The following MECOM variants were observed in gnomAD, a reference collection of about 807,000 sequenced individuals.
MECOM encodes the protein MDS1 and EVI1 complex locus, also known as histone-lysine N-methyltransferase MECOM.
MECOM carries 13 observed loss-of-function variants against 116.3 expected under a neutral mutation model. That is an observed-to-expected ratio of 0.11 (90% CI 0.07 to 0.18). The LOEUF (loss-of-function observed/expected upper bound fraction) is 0.18, where lower values mean the gene tolerates loss of function less well. Ranked by LOEUF, MECOM falls within the 10% of genes least tolerant of loss-of-function variation. MECOM has a pLI of 1.00. For synonymous variants in MECOM, 528 were observed against 535.2 expected (o/e 0.99, Z 0.19); for missense variants, 1,299 against 1,509.0 (o/e 0.86, Z 2.31).
At chr3:169,198,517 A>G (rs1748731228) in intron 2 of MECOM, among the ~76,000 whole-genome samples, 1 of 151,976 alleles carries the variant, frequency 6.6e-6, no homozygotes, top group African/African-American at 2.4e-5. Flanking sequence ...TTAGGCATGA[A>G]GTTCTGATGG....
intron 1 of MECOM, among the ~76,000 whole-genome samples, chr3:169,540,782 T>C (rs1163182224): frequency 6.6e-6 from 1 of 152,148 alleles, no homozygotes; most frequent in African/African-American, 2.4e-5. Context: ...ATGTAATACC[T>C]CCATGGGCTG....
chr3:169,281,993 A>G (rs556959693), intron 2 of MECOM, among the ~76,000 whole-genome samples: 10 of 152,262 alleles, frequency 6.6e-5, no homozygotes, highest in Admixed American at 2.0e-4. Flanking sequence ...CAAAACCTAC[A>G]TCCTCCTCTC....
At position 169,444,238 on chromosome 3, in the gene MECOM, C is replaced by T. The variant is rs574470344; in HGVS notation, c.38-62714G>A. 2.0e-5 allele frequency among the ~76,000 whole-genome samples: 3 copies of T among 152,288 alleles called. No homozygotes were observed. The East Asian group carries it at 5.8e-4, about 29-fold the overall frequency. On this transcript the variant is annotated intron_variant, in intron 1 of 16. Transcript: ENST00000651503. ...AAAGCCTTTACCAGATGTGTCACAA[C>T]ATAGCCCATCCTTCTCGTCACAGAT...
At chr3:169,337,745 T>G (rs539619025) in intron 2 of MECOM, among the ~76,000 whole-genome samples, 1 of 152,262 alleles carries the variant, frequency 6.6e-6, no homozygotes, top group East Asian at 1.9e-4. Flanking sequence ...AAAAGGGCAT[T>G]GTTAAAACAT....
At chr3:169,420,556 AG>A (rs1292114791) in intron 1 of MECOM, among the ~76,000 whole-genome samples, 1 of 152,166 alleles carries the variant, frequency 6.6e-6, no homozygotes. Flanking sequence ...ATTTCCTTAT[AG>A]GAAGCCGGCC....
At position 169,663,413 on chromosome 3, in the gene MECOM, T is replaced by A; in HGVS notation, c.-41A>T. Reference sequence around the variant, plus strand: ...GCAGCCGCTGGTGTGTGGTTGGGGCTTTTTTTTCTTGGATCCTTTCCTTCT... The same window carrying A: ...GCAGCCGCTGGTGTGTGGTTGGGGCATTTTTTTCTTGGATCCTTTCCTTCT... On this transcript the variant is annotated 5_prime_UTR_variant, in exon 1 of 17. The change creates a new upstream start codon in the 5' untranslated region. Transcript: ENST00000651503. The A allele has an allele frequency of 6.3e-7, 1 of 1,586,224 alleles. No homozygotes were observed. Among genetic ancestry groups the A allele is most frequent in the Non-Finnish European group, 8.6e-7 (1 of 1,166,530 alleles).
At chr3:169,383,535 T>A (rs1182784513) in intron 1 of MECOM, among the ~76,000 whole-genome samples, 6 of 152,220 alleles carry the variant, frequency 3.9e-5, no homozygotes, top group Non-Finnish European at 7.3e-5. Flanking sequence ...TCTTGCAAGA[T>A]TCTAACCTTC....
At chr3:169,129,350 TAAG>T (rs1317229482) in intron 4 of MECOM, among the ~76,000 whole-genome samples, 1 of 151,746 alleles carries the variant, frequency 6.6e-6, no homozygotes, top group Non-Finnish European at 1.5e-5. Flanking sequence ...AAGTCTATGC[TAAG>T]AAGGAAAACA....
intron 1 of MECOM, among the ~76,000 whole-genome samples, chr3:169,501,983 C>G (rs1271268550): frequency 1.3e-5 from 2 of 152,034 alleles, no homozygotes; most frequent in African/African-American, 4.8e-5. Flanking sequence ...AACAATAATG[C>G]TACACAGTGC....
At chr3:169,400,572 A>G (rs1453592346) in intron 1 of MECOM, among the ~76,000 whole-genome samples, 1 of 152,174 alleles carries the variant, frequency 6.6e-6, no homozygotes, top group Non-Finnish European at 1.5e-5. Flanking sequence ...AAAAGCCAGT[A>G]TGTTTCTGTG....
chr3:169,201,912 A>G (rs988918138), intron 2 of MECOM, among the ~76,000 whole-genome samples: 2 of 151,966 alleles, frequency 1.3e-5, no homozygotes, highest in African/African-American at 4.8e-5. Context: ...TCCTTCTTCT[A>G]TGTGGTCACC....
intron 1 of MECOM, among the ~76,000 whole-genome samples, chr3:169,641,659 A>G (rs986364117): frequency 1.3e-5 from 2 of 152,250 alleles, no homozygotes; most frequent in Non-Finnish European, 2.9e-5. Flanking sequence ...TCTCCAATGT[A>G]TTAGCTCATT....
chr3:169,392,135 G>A (rs1446712048), intron 1 of MECOM, among the ~76,000 whole-genome samples: 2 of 152,114 alleles, frequency 1.3e-5, no homozygotes, highest in Non-Finnish European at 2.9e-5. Context: ...CATAAACACT[G>A]TTGAAAAATT....
intron 1 of MECOM, among the ~76,000 whole-genome samples, chr3:169,452,737 A>G (rs1472206440): frequency 3.3e-5 from 5 of 152,196 alleles, no homozygotes; most frequent in African/African-American, 4.8e-5. Context: ...TTCTTGAATG[A>G]GTGAGTGAAT....
At chr3:169,663,300 G>A (rs1261552724) in intron 1 of MECOM, 36 bp downstream of exon 1, 1 of 1,593,812 alleles carries the variant, frequency 6.3e-7, no homozygotes, top group Admixed American at 1.8e-5. Context: ...GGCAGAGGAG[G>A]GGGAAAAGCC....
At chr3:169,510,801 T>C (rs1369135732) in intron 1 of MECOM, among the ~76,000 whole-genome samples, 1 of 152,162 alleles carries the variant, frequency 6.6e-6, no homozygotes, top group East Asian at 1.9e-4. Flanking sequence ...TCCAATCTGC[T>C]AAATGCTGTG....
intron 2 of MECOM, among the ~76,000 whole-genome samples, chr3:169,307,038 T>C (rs1717847004): frequency 6.6e-6 from 1 of 152,228 alleles, no homozygotes; most frequent in East Asian, 1.9e-4. Context: ...AGTTTACCAT[T>C]TGTAAAACAA....
chr3:169,576,317 T>G (rs929339663), intron 1 of MECOM, among the ~76,000 whole-genome samples: 1 of 152,096 alleles, frequency 6.6e-6, no homozygotes, highest in African/African-American at 2.4e-5. Context: ...TAGGGGGCCA[T>G]AAAAACATAT....
chr3:169,362,590 G>T (rs1171063667), intron 2 of MECOM, among the ~76,000 whole-genome samples: 2 of 151,934 alleles, frequency 1.3e-5, no homozygotes, highest in Non-Finnish European at 2.9e-5. Context: ...AGGCCTGAAG[G>T]ATAATATGGT....
Sources: gnomAD v4.1 joint callset for allele counts (sites outside exome capture counted in the v4.1 genomes callset) on GRCh38, gnomAD v4.1.1 for gene constraint, MANE v1.5 for transcripts, NCBI Gene and HGNC (gene_info 2026-07-23, HGNC 2026-07-21) for gene names.